CCDC66: variants seen among roughly 807,000 people sequenced by gnomAD.
CCDC66 encodes coiled-coil domain-containing protein 66.
Under a neutral mutation model 128.3 loss-of-function variants are expected in CCDC66, and 133 were observed. That is an observed-to-expected ratio of 1.04 (90% CI 0.90 to 1.20). CCDC66 has a LOEUF of 1.20. Among genes scored for constraint, CCDC66 ranks in the 50% most tolerant of loss-of-function variants. The pLI is 0.00. For synonymous variants in CCDC66, 387 were observed against 357.0 expected (o/e 1.08, Z -0.95); for missense variants, 1,126 against 1,075.5 (o/e 1.05, Z -0.66).
intron 7 of CCDC66, among the ~76,000 whole-genome samples, chr3:56,582,305 C>T (rs905722601): frequency 2.0e-5 from 3 of 151,808 alleles, no homozygotes; most frequent in Non-Finnish European, 4.4e-5. Flanking sequence ...TTCCAGGTAC[C>T]GTCTGTCACG....
intron 3 of CCDC66, among the ~76,000 whole-genome samples, chr3:56,560,230 C>T (rs1040036422): frequency 6.6e-6 from 1 of 152,096 alleles, no homozygotes; most frequent in Admixed American, 6.6e-5. Flanking sequence ...TACATTATCA[C>T]TTTGTTTATT....
rs1326791743 is a variant in CCDC66 at position 56,566,874 on chromosome 3, ATTAC to A, written c.711-72_711-69del. 46 of 1,479,078 alleles carry A rather than the reference ATTAC, an allele frequency of 3.1e-5. No homozygotes were observed. In the East Asian group the frequency reaches 4.5e-4, roughly 15 times the overall value. The allele number at this position is 1,479,078 out of a possible 1,614,324, so 91.6% of individuals were successfully genotyped here. A position where few individuals can be genotyped will look rare whatever the true frequency, so the allele number is the denominator to read the frequency against. On this transcript the variant is annotated intron_variant, in intron 5 of 17. Coordinates refer to ENST00000394672, the MANE Select transcript of CCDC66 (RefSeq NM_001141947.3). ...AATACTTAGAGCTATTTAAAAGCTT[ATTAC>A]TTAATATTTATGGAGTCAGTTGTGT...
At chr3:56,620,854 A>G (rs562795900) in intron 17 of CCDC66, 1 of 152,610 alleles carries the variant, frequency 6.6e-6, no homozygotes, top group East Asian at 1.9e-4. Flanking sequence ...GACAGTCAAG[A>G]TAAAATACTG....
At chr3:56,584,038 G>A (rs1243247906) in intron 7 of CCDC66, among the ~76,000 whole-genome samples, 7 of 129,986 alleles carry the variant, frequency 5.4e-5, no homozygotes, top group South Asian at 2.5e-4. Flanking sequence ...CCTCCCTCCC[G>A]GACGGGGCGG....
intron 15 of CCDC66, chr3:56,618,499 A>G (rs2075836303): frequency 6.3e-6 from 2 of 316,776 alleles, no homozygotes; most frequent in African/African-American, 4.2e-5. Context: ...CAGAATAGGC[A>G]TTCTGCTTTG....
At chr3:56,612,796 C>G (rs1311861192) in intron 10 of CCDC66, among the ~76,000 whole-genome samples, 1 of 152,178 alleles carries the variant, frequency 6.6e-6, no homozygotes, top group Admixed American at 6.5e-5. Context: ...CTGGGCAGGG[C>G]AGTCCCCAGG....
chr3:56,621,291 C>CT, intron 17 of CCDC66: 1 of 322,486 alleles, frequency 3.1e-6, no homozygotes, highest in Non-Finnish European at 5.7e-6. Context: ...GTTATGGAGT[C>CT]TTGAGTTCTA....
chr3:56,560,828 C>T, intron 3 of CCDC66: 1 of 445,320 alleles, frequency 2.2e-6, no homozygotes, highest in South Asian at 1.6e-5. Context: ...TCTTCTCTTC[C>T]ATAACTTACT....
At chr3:56,557,617 G>A (rs974718372) in intron 1 of CCDC66, 2 of 273,344 alleles carry the variant, frequency 7.3e-6, no homozygotes, top group Non-Finnish European at 1.4e-5. Flanking sequence ...CCATGCCCCG[G>A]GTTCTTCGCC....
chr3:56,617,899 A>G, intron 14 of CCDC66: 1 of 570,344 alleles, frequency 1.8e-6, no homozygotes, highest in Non-Finnish European at 3.1e-6. Flanking sequence ...CGAGTCCTTT[A>G]CACTTACACA....
intron 6 of CCDC66, among the ~76,000 whole-genome samples, chr3:56,568,905 A>G (rs1370169963): frequency 6.6e-6 from 1 of 152,252 alleles, no homozygotes; most frequent in African/African-American, 2.4e-5. Context: ...TGCGTATCAC[A>G]ATCTGCAAAA....
chr3:56,611,850 A>G (rs2074875563), intron 10 of CCDC66, among the ~76,000 whole-genome samples: 1 of 152,164 alleles, frequency 6.6e-6, no homozygotes, highest in Non-Finnish European at 1.5e-5. Flanking sequence ...AAAGACTTTC[A>G]GCTTCTCCAG....
chr3:56,595,477 A>G (rs1314889596), intron 10 of CCDC66, among the ~76,000 whole-genome samples: 3 of 152,158 alleles, frequency 2.0e-5, no homozygotes, highest in African/African-American at 7.2e-5. Flanking sequence ...TAGCTCCCAC[A>G]TATGAGTGGG....
rs760979564 is a variant in CCDC66, at chr3:56,621,583, G to GA, written c.2816dup (p.Asn939LysfsTer21). The GA allele has an allele frequency of 2.1e-5, 34 of 1,600,538 alleles. No homozygotes were observed. The highest frequency in any genetic ancestry group is 2.8e-5 in the Non-Finnish European group (33 of 1,174,068). ...GGAAAGTAGTCTCCTGCCTTTAGCT[G>GA]AAAATCAAGAAGAGAGTTTTGGTTC... On this transcript the variant is annotated frameshift_variant, in exon 18 of 18. Coordinates refer to ENST00000394672, the MANE Select transcript of CCDC66 (RefSeq NM_001141947.3). LOFTEE classifies it high-confidence loss of function.
chr3:56,608,295 T>G (rs2074341843), intron 10 of CCDC66, among the ~76,000 whole-genome samples: 1 of 152,196 alleles, frequency 6.6e-6, no homozygotes, highest in South Asian at 2.1e-4. Flanking sequence ...AAATTACCAT[T>G]TCAATCTCAC....
At chr3:56,610,194 C>T (rs577163531) in intron 10 of CCDC66, among the ~76,000 whole-genome samples, 2 of 152,274 alleles carry the variant, frequency 1.3e-5, no homozygotes, top group South Asian at 2.1e-4. Flanking sequence ...ATTGTCTTCT[C>T]CCTCAGGAAC....
intron 7 of CCDC66, among the ~76,000 whole-genome samples, chr3:56,582,680 ATGGTCAT>A (rs964523774): frequency 4.3e-4 from 65 of 151,544 alleles, no homozygotes; most frequent in African/African-American, 1.5e-3. Context: ...AATCTTAGTG[ATGGTCAT>A]TGTCCAGTGC....
rs538821841 is a variant in CCDC66 at position 56,571,160 on chromosome 3, T to A, written c.815-21T>A. On this transcript the variant is annotated intron_variant, in intron 6 of 17. Transcript: ENST00000394672. ...TTTTTACAGTTTTTGTACATTTTTT[T>A]AAAAAGGACATTATTTACAGATGAA... The A allele has an allele frequency of 6.8e-6, 10 of 1,477,602 alleles. No individual in the cohort carries two copies. In the East Asian group the frequency reaches 7.1e-5, roughly 10 times the overall value. 91.5% of individuals were successfully genotyped at this position (1,477,602 alleles called of 1,614,324 possible).
intron 1 of CCDC66, chr3:56,557,584 G>A: frequency 2.8e-6 from 1 of 362,776 alleles, no homozygotes; most frequent in Non-Finnish European, 5.0e-6. Context: ...GAAGCGTGGC[G>A]GCTCCTGGGG....
Sources: allele counts gnomAD v4.1 joint callset (sites outside exome capture counted in the v4.1 genomes callset), GRCh38; gene constraint gnomAD v4.1.1; transcripts MANE v1.5; gene names NCBI Gene and HGNC (gene_info 2026-07-23, HGNC 2026-07-21).